Variants in PHEX observed in about 807,000 individuals in gnomAD.
PHEX encodes the protein phosphate regulating endopeptidase X-linked.
In PHEX, 16 loss-of-function variants were observed where a neutral mutation model predicts 68.0. The ratio of observed to expected loss-of-function variants is 0.24; its 90% CI spans 0.16 to 0.36. The LOEUF (loss-of-function observed/expected upper bound fraction) is 0.36. PHEX is among the 10% of genes least tolerant of loss of function. PHEX has a pLI of 1.00. For missense variants in PHEX, 480 were observed against 575.5 expected (o/e 0.83, Z 1.70); for synonymous variants, 208 against 205.1 (o/e 1.01, Z -0.12).
chrX:22,134,598 AAATGAATG>A (rs1206973373), intron 12 of PHEX, among the ~76,000 whole-genome samples: 1 of 112,690 alleles, frequency 8.9e-6, no homozygotes, highest in African/African-American at 3.2e-5. Context: ...ATCTCTGAAT[AAATGAATG>A]AATGAATGGG....
chrX:22,068,520 A>G lies in PHEX; in HGVS notation c.350-7868A>G, dbSNP rs755918661. On this transcript the variant is annotated intron_variant, in intron 3 of 21. Coordinates refer to ENST00000379374, the MANE Select transcript of PHEX (RefSeq NM_000444.6). ...AGCAACTTGCAGAATTTTTCTGGGT[A>G]TCTGATGTTTGAATTAACAGGAGTC... 1.2e-4 allele frequency among the ~76,000 whole-genome samples: 14 copies of G among 112,185 alleles called. No homozygotes were observed. The South Asian group carries it at 4.8e-3, about 38-fold the overall frequency.
intron 12 of PHEX, among the ~76,000 whole-genome samples, chrX:22,138,350 G>T (rs1932318448): frequency 8.9e-6 from 1 of 112,795 alleles, no homozygotes; most frequent in Non-Finnish European, 1.9e-5. Flanking sequence ...CGGACTCAGA[G>T]ATGAGCAGCC....
At chrX:22,187,844 T>C (rs773089827) in intron 14 of PHEX, among the ~76,000 whole-genome samples, 1 of 112,173 alleles carries the variant, frequency 8.9e-6, no homozygotes, top group South Asian at 3.7e-4. Flanking sequence ...TCTTTCTTGA[T>C]TTCCAGTAAT....
chrX:22,143,858 C>G (rs957843698), intron 12 of PHEX, among the ~76,000 whole-genome samples: 13 of 112,265 alleles, frequency 1.2e-4, no homozygotes, highest in Non-Finnish European at 2.3e-4. Context: ...TTTGCAATAG[C>G]ATCGTAGTGT....
chrX:22,153,876 C>A (rs985445650), intron 12 of PHEX, among the ~76,000 whole-genome samples: 10 of 111,507 alleles, frequency 9.0e-5, no homozygotes, highest in Non-Finnish European at 1.5e-4. Context: ...TTTTTTGATG[C>A]CTGAAAGTAC....
intron 12 of PHEX, 138 bp downstream of exon 12, chrX:22,133,762 T>G: frequency 2.0e-6 from 1 of 496,109 alleles, no homozygotes; most frequent in Non-Finnish European, 3.5e-6. Flanking sequence ...TGTCTGCTTT[T>G]GGATGAATAC....
At chrX:22,230,327 G>C (rs1046863395) in intron 20 of PHEX, among the ~76,000 whole-genome samples, 1 of 94,366 alleles carries the variant, frequency 1.1e-5, no homozygotes, top group African/African-American at 3.9e-5. Context: ...ATGGTAGCTT[G>C]ATGGGGATAG....
intron 6 of PHEX, among the ~76,000 whole-genome samples, 169 bp from the exon 7 acceptor site, chrX:22,093,814 A>G (rs745593706): frequency 9.0e-6 from 1 of 111,699 alleles, no homozygotes; most frequent in Non-Finnish European, 1.9e-5. Context: ...TTTTCTCCCA[A>G]AGTGTTATAT....
intron 21 of PHEX, among the ~76,000 whole-genome samples, chrX:22,246,528 G>A (rs2301329): frequency 0.049 from 5,485 of 111,618 alleles, 230 homozygotes; most frequent in East Asian, 0.21. Flanking sequence ...GAAGGCTGAC[G>A]GTCTCGAACG....
intron 7 of PHEX, among the ~76,000 whole-genome samples, chrX:22,095,361 A>G (rs1450999857): frequency 1.8e-5 from 2 of 112,234 alleles, no homozygotes; most frequent in Non-Finnish European, 3.8e-5. Context: ...ACTCTGAAAC[A>G]GCAGGGAAGG....
chrX:22,154,114 T>C (rs189581498), intron 12 of PHEX, among the ~76,000 whole-genome samples: 7 of 110,325 alleles, frequency 6.3e-5, no homozygotes, highest in African/African-American at 2.4e-4. Context: ...TGTCCTACTG[T>C]GTACCCACAA....
At chrX:22,106,329 C>T (rs1441399329) in intron 9 of PHEX, among the ~76,000 whole-genome samples, 1 of 111,882 alleles carries the variant, frequency 8.9e-6, no homozygotes, top group African/African-American at 3.3e-5. Flanking sequence ...CAGCTTCCAG[C>T]TTGCAGAGGT....
At chrX:22,141,273 T>G (rs973346798) in intron 12 of PHEX, among the ~76,000 whole-genome samples, 4 of 111,692 alleles carry the variant, frequency 3.6e-5, no homozygotes, top group African/African-American at 1.3e-4. Context: ...TTCTGATGCC[T>G]CATCCTGCTG....
intron 5 of PHEX, among the ~76,000 whole-genome samples, chrX:22,087,494 T>C (rs926177358): frequency 1.9e-4 from 21 of 111,858 alleles, no homozygotes; most frequent in Non-Finnish European, 3.4e-4. Flanking sequence ...ACAAGAGTTA[T>C]GTTTTTCCTG....
At chrX:22,224,171 C>T (rs1602408381) in intron 18 of PHEX, among the ~76,000 whole-genome samples, 1 of 111,338 alleles carries the variant, frequency 9.0e-6, no homozygotes, top group Middle Eastern at 4.6e-3. Context: ...TTAATAGATA[C>T]GGGGTTTCTT....
intron 5 of PHEX, among the ~76,000 whole-genome samples, chrX:22,078,070 G>C (rs1386891845): frequency 8.9e-6 from 1 of 112,013 alleles, no homozygotes; most frequent in African/African-American, 3.2e-5. Context: ...TCCCTTGATA[G>C]AGGAGAAAAC....
chrX:22,066,826 T>C (rs1227175681), intron 3 of PHEX, among the ~76,000 whole-genome samples: 1 of 111,509 alleles, frequency 9.0e-6, no homozygotes, highest in Non-Finnish European at 1.9e-5. Flanking sequence ...ATGTTTACAG[T>C]GTTTTGATGT....
At chrX:22,160,753 G>C (rs1184810338) in intron 12 of PHEX, among the ~76,000 whole-genome samples, 1 of 110,600 alleles carries the variant, frequency 9.0e-6, no homozygotes, top group African/African-American at 3.3e-5. Flanking sequence ...TTTGGGTGGG[G>C]ATACAGCCAA....
At chrX:22,213,671 C>G (rs1208014396) in intron 16 of PHEX, among the ~76,000 whole-genome samples, 1 of 111,622 alleles carries the variant, frequency 9.0e-6, no homozygotes, top group African/African-American at 3.3e-5. Flanking sequence ...AATAATATCA[C>G]CATTTCTATT....
Sources: allele counts gnomAD v4.1 joint callset (sites outside exome capture counted in the v4.1 genomes callset), GRCh38; gene constraint gnomAD v4.1.1; transcripts MANE v1.5; gene names NCBI Gene and HGNC (gene_info 2026-07-23, HGNC 2026-07-21).